The following DMRT2 variants were observed in gnomAD, a reference collection of about 807,000 sequenced individuals.
DMRT2 encodes doublesex and mab-3 related transcription factor 2.
A neutral mutation model predicts 43.5 loss-of-function variants in DMRT2; 33 were observed. That is an observed-to-expected ratio of 0.76 (90% CI 0.58 to 1.01). The LOEUF (loss-of-function observed/expected upper bound fraction) is 1.01. DMRT2 is among the 50% of genes least tolerant of loss of function. The probability of loss-of-function intolerance (pLI) is 0.00; values close to 1 mark genes in which losing one functional copy is unlikely to be tolerated. For synonymous variants in DMRT2, 395 were observed against 309.2 expected (o/e 1.28, Z -2.91); for missense variants, 1,064 against 748.0 (o/e 1.42, Z -4.93).
Position 1,057,449 on chromosome 9 carries a change from A to G in DMRT2, c.*176A>G. On this transcript the variant is annotated 3_prime_UTR_variant, in exon 4 of 4. Transcript: ENST00000358146. ...GTACTTTTTCTTATCACATATATTTAAACTTACAGATGGAAATTGCCCAAT... is the reference window on the plus strand; with the variant it reads ...GTACTTTTTCTTATCACATATATTTGAACTTACAGATGGAAATTGCCCAAT... The G allele has an allele frequency of 4.4e-6, 3 of 675,698 alleles. 1 individual carries two copies. In the South Asian group the frequency reaches 7.2e-5, roughly 16 times the overall value. 41.9% of individuals were successfully genotyped at this position (675,698 alleles called of 1,614,324 possible).
At chr9:1,052,244 C>A in intron 2 of DMRT2, 106 bp downstream of exon 2, 1 of 846,676 alleles carries the variant, frequency 1.2e-6, no homozygotes, top group Non-Finnish European at 1.6e-6. Flanking sequence ...CCTTGCGGTG[C>A]CTGGCACTCC....
chr9:1,057,351 A>T lies in DMRT2; in HGVS notation c.*78A>T. 6.9e-7 allele frequency: 1 copy of T among 1,458,866 alleles called. No homozygotes were observed. The highest frequency in any genetic ancestry group is 1.4e-5 in the African/African-American group (1 of 70,662). 90.4% of individuals were successfully genotyped at this position (1,458,866 alleles called of 1,614,324 possible). On this transcript the variant is annotated 3_prime_UTR_variant, in exon 4 of 4. Transcript: ENST00000358146. ...CATTTGCTACTTTTTTTAAAAGTTA[A>T]GATGTTTGTGTAAAGAAATTTCTAA...
In DMRT2 at chr9:1,051,558, G is replaced by T. The variant is rs919201832; in HGVS notation, c.-44-12G>T. The T allele has an allele frequency of 6.9e-6, 10 of 1,451,774 alleles. No homozygotes were observed. The African/African-American group carries it at 1.5e-4, about 22-fold the overall frequency. 89.9% of individuals were successfully genotyped at this position (1,451,774 alleles called of 1,614,324 possible). On this transcript the variant is annotated splice_polypyrimidine_tract_variant and intron_variant, in intron 1 of 3. Coordinates refer to ENST00000358146, the MANE Select transcript of DMRT2 (RefSeq NM_181872.6). The surrounding 1 kb of genome is among the most constrained non-coding windows in gnomAD (Gnocchi z 5.9). ...GGCCGGTGGGTCTTTGGATTTCTTT[G>T]TGTTTCCCCAGAGTGAGGGCCGCCA...
At position 1,051,148 on chromosome 9, in the gene DMRT2, G is replaced by C. The variant is rs542397910; in HGVS notation, c.-45+373G>C. ...GTCTGAAGGGCCACTTGTAATCAAA[G>C]GAAAACTGTTCTTCCACGGATAGTT... On this transcript the variant is annotated intron_variant, in intron 1 of 3. Coordinates refer to ENST00000358146, the MANE Select transcript of DMRT2 (RefSeq NM_181872.6). This position sits in a 1 kb window ranked among gnomAD's most constrained non-coding sequence, Gnocchi z 5.9. 3.9e-4 allele frequency among the ~76,000 whole-genome samples: 59 copies of C among 152,230 alleles called. No homozygotes were observed. The highest frequency in any genetic ancestry group is 1.9e-3 in the South Asian group (9 of 4,818).
In DMRT2 at chr9:1,051,475, C is replaced by T; in HGVS notation, c.-44-95C>T. On this transcript the variant is annotated intron_variant, in intron 1 of 3. Coordinates refer to ENST00000358146, the MANE Select transcript of DMRT2 (RefSeq NM_181872.6). The surrounding 1 kb of genome is among the most constrained non-coding windows in gnomAD (Gnocchi z 5.9). ...AATGAGAACAGGATGACTCAAGCGG[C>T]CGGAGGCGGGCAGACCAGGAGCTTT... is the stretch of plus-strand genomic sequence containing the variant. 7.3e-7 allele frequency: 1 copy of T among 1,372,514 alleles called. No homozygotes were observed. The highest frequency in any genetic ancestry group is 9.4e-7 in the Non-Finnish European group (1 of 1,062,706). The allele number at this position is 1,372,514 out of a possible 1,614,324, so 85.0% of individuals were successfully genotyped here.
rs1822018964 is a variant in DMRT2, at chr9:1,056,710, A to G, written c.1123A>G (p.Ser375Gly). Residue 375 changes from serine to glycine, a missense_variant, in exon 4 of 4, where the codon AGC becomes GGC. Coordinates refer to ENST00000358146, the MANE Select transcript of DMRT2 (RefSeq NM_181872.6). ...TSVQALKPGA[S>G]WDLKGARVQD... ...AGTTCAAGCCCTGAAGCCTGGGGCC[A>G]GCTGGGACTTGAAGGGAGCACGAGT... The G allele has an allele frequency of 6.2e-7, 1 of 1,614,152 alleles. No homozygotes were observed. The highest frequency in any genetic ancestry group is 1.3e-5 in the African/African-American group (1 of 75,052).
Position 1,057,232 on chromosome 9 carries a change from C to A in DMRT2, c.1645C>A (p.Leu549Ile). 6.2e-7 allele frequency: 1 copy of A among 1,613,054 alleles called. No homozygotes were observed. The change falls in exon 4 of 4, where the codon CTT becomes ATT. Residue 549 changes from leucine to isoleucine, a missense_variant. Leu to Ile is a conservative substitution (Grantham distance 5). Transcript: ENST00000358146. ...EPLSFSVESILKRPSSAITRV... is the reference protein window; with the variant it reads ...EPLSFSVESIIKRPSSAITRV... ...ACTGTCATTTTCTGTTGAGTCTATT[C>A]TTAAGAGGCCTTCATCTGCCATCAC...
At position 1,052,135 on chromosome 9, in the gene DMRT2, C is replaced by G; in HGVS notation, c.522C>G (p.Thr174=). Residue 174 remains threonine, a synonymous_variant, in exon 2 of 4, where the codon ACC becomes ACG. Coordinates refer to ENST00000358146, the MANE Select transcript of DMRT2 (RefSeq NM_181872.6). ...TGGCGCTCCGGAGGCAGCAGGCCAC[C>G]GAGGTGCGTACCCGCCCGGCCCGGG... ...AQVALRRQQA[T]EDKKGLSGKQ... is the part of the protein sequence containing the mutation. 2.1e-6 allele frequency: 3 copies of G among 1,396,002 alleles called. No homozygotes were observed. The highest frequency in any genetic ancestry group is 1.9e-6 in the Non-Finnish European group (2 of 1,080,946). 86.5% of individuals were successfully genotyped at this position (1,396,002 alleles called of 1,614,324 possible).
Position 1,056,467 on chromosome 9 carries a change from C to T in DMRT2, c.880C>T (p.Pro294Ser), listed in dbSNP as rs1430188675. Residue 294 changes from proline to serine, a missense_variant, in exon 4 of 4, where the codon CCA becomes TCA. Physicochemically the swap from Pro to Ser is moderately conservative, Grantham distance 74. Transcript: ENST00000358146. ...TGCCTACAGCCCCAGCCCAGTGGAA[C>T]CACCAAGCAAGGACTTCTGTAATTT... ...KSAYSPSPVE[P>S]PSKDFCNFLP... 1 of 1,614,200 alleles carries T rather than the reference C, an allele frequency of 6.2e-7. No homozygotes were observed. Among genetic ancestry groups the T allele is most frequent in the Non-Finnish European group, 8.5e-7 (1 of 1,180,036 alleles).
intron 1 of DMRT2, among the ~76,000 whole-genome samples, chr9:1,050,984 A>C (rs536816615): frequency 9.2e-5 from 14 of 152,266 alleles, no homozygotes; most frequent in African/African-American, 2.6e-4. Flanking sequence ...ATGGGACGCT[A>C]ATGACAACAA....
intron 3 of DMRT2, among the ~76,000 whole-genome samples, chr9:1,055,154 A>G (rs1463461890): frequency 6.6e-6 from 1 of 152,218 alleles, no homozygotes; most frequent in Non-Finnish European, 1.5e-5. Flanking sequence ...CAACTAAATA[A>G]CTTCCTGGCA....
rs139766473 is a variant in DMRT2 at position 1,057,137 on chromosome 9, C to T, written c.1550C>T (p.Thr517Ile). The T allele has an allele frequency of 1.2e-6, 2 of 1,614,020 alleles. No homozygotes were observed. Among genetic ancestry groups the T allele is most frequent in the Non-Finnish European group, 1.7e-6 (2 of 1,180,036 alleles). Residue 517 changes from threonine (T) to isoleucine (I), a missense_variant, in exon 4 of 4, where the codon ACA (threonine) becomes ATA (isoleucine). Thr to Ile is a moderately conservative substitution (Grantham distance 89). Coordinates refer to ENST00000358146, the MANE Select transcript of DMRT2 (RefSeq NM_181872.6). ...LVKDNQKYTF[T>I]IDRCAKDLFV... is the part of the protein sequence containing the mutation. Reference sequence around the variant, plus strand: ...AAGGACAACCAGAAGTACACATTTACAATAGATAGATGTGCAAAAGACCTT... The same window carrying T: ...AAGGACAACCAGAAGTACACATTTATAATAGATAGATGTGCAAAAGACCTT...
chr9:1,054,826 T>G (rs150669984), intron 3 of DMRT2, among the ~76,000 whole-genome samples: 1,811 of 152,314 alleles, frequency 0.012, 36 homozygotes, highest in African/African-American at 0.041. Flanking sequence ...TGGATTCTGT[T>G]TTTTTCTTGT....
In DMRT2 at chr9:1,056,475, C is replaced by G. The variant is rs1488969301; in HGVS notation, c.888C>G (p.Ser296Arg). Residue 296 changes from serine to arginine, a missense_variant, in exon 4 of 4, where the codon AGC (serine) becomes AGG (arginine). Coordinates refer to ENST00000358146, the MANE Select transcript of DMRT2 (RefSeq NM_181872.6). The stretch of plus-strand genomic sequence containing the variant: ...GCCCCAGCCCAGTGGAACCACCAAG[C>G]AAGGACTTCTGTAATTTTTTGCCCA... ...AYSPSPVEPP[S>R]KDFCNFLPTC... 2 of 1,614,212 alleles carry G rather than the reference C, an allele frequency of 1.2e-6. No homozygotes were observed. The highest frequency in any genetic ancestry group is 1.3e-5 in the African/African-American group (1 of 75,068).
In DMRT2 at chr9:1,052,218, C is replaced by T. The variant is rs886208578; in HGVS notation, c.525+80C>T. 2.0e-5 allele frequency: 23 copies of T among 1,172,080 alleles called. No individual in the cohort carries two copies. The African/African-American group carries it at 3.2e-4, about 16-fold the overall frequency. 72.6% of individuals were successfully genotyped at this position (1,172,080 alleles called of 1,614,324 possible). A position where few individuals can be genotyped will look rare whatever the true frequency, so the allele number is the denominator to read the frequency against. ...GAGGGGAGCGGGGCGGCCGTCCACACCCCCCGCGCCCAGGGCCTTGCGGTG... is the reference window on the plus strand; with the variant it reads ...GAGGGGAGCGGGGCGGCCGTCCACATCCCCCGCGCCCAGGGCCTTGCGGTG... On this transcript the variant is annotated intron_variant, in intron 2 of 3. Coordinates refer to ENST00000358146, the MANE Select transcript of DMRT2 (RefSeq NM_181872.6).
At position 1,052,120 on chromosome 9, in the gene DMRT2, G is replaced by A. The variant is rs566963920; in HGVS notation, c.507G>A (p.Arg169=). The A allele has an allele frequency of 7.1e-7, 1 of 1,415,310 alleles. No individual in the cohort carries two copies. Among genetic ancestry groups the A allele is most frequent in the Non-Finnish European group, 9.2e-7 (1 of 1,090,568 alleles). 87.7% of individuals were successfully genotyped at this position (1,415,310 alleles called of 1,614,324 possible). A position where few individuals can be genotyped will look rare whatever the true frequency, so the allele number is the denominator to read the frequency against. ...QRVMAAQVAL[R]RQQATEDKKG... is the part of the protein sequence containing the mutation. The stretch of plus-strand genomic sequence containing the variant: ...TCATGGCCGCCCAGGTGGCGCTCCG[G>A]AGGCAGCAGGCCACCGAGGTGCGTA... The change falls in exon 2 of 4, where the codon CGG becomes CGA. Residue 169 remains arginine, a synonymous_variant. Coordinates refer to ENST00000358146, the MANE Select transcript of DMRT2 (RefSeq NM_181872.6).
chr9:1,051,848 G>C lies in DMRT2; in HGVS notation c.235G>C (p.Glu79Gln). ...GASPGMPGQPEQRGGPQPRPP... is the reference protein window; with the variant it reads ...GASPGMPGQPQQRGGPQPRPP... ...GTCCCCCGGGATGCCCGGCCAGCCG[G>C]AGCAGCGGGGGGGACCGCAGCCGAG... Residue 79 changes from glutamate (E) to glutamine (Q), a missense_variant, in exon 2 of 4, where the codon GAG becomes CAG. Glu to Gln is a conservative substitution (Grantham distance 29). Transcript: ENST00000358146. The surrounding 1 kb of genome is among the most constrained non-coding windows in gnomAD (Gnocchi z 5.9). 7.0e-7 allele frequency: 1 copy of C among 1,421,412 alleles called. No homozygotes were observed. The highest frequency in any genetic ancestry group is 3.0e-5 in the East Asian group (1 of 33,614). 88.0% of individuals were successfully genotyped at this position (1,421,412 alleles called of 1,614,324 possible).
In DMRT2 at chr9:1,057,465, A is replaced by G. The variant is rs1822086456; in HGVS notation, c.*192A>G. 1 of 623,470 alleles carries G rather than the reference A, an allele frequency of 1.6e-6. No homozygotes were observed. The highest frequency in any genetic ancestry group is 1.8e-5 in the African/African-American group (1 of 54,542). The allele number at this position is 623,470 out of a possible 1,614,324, so 38.6% of individuals were successfully genotyped here. A position where few individuals can be genotyped will look rare whatever the true frequency, so the allele number is the denominator to read the frequency against. On this transcript the variant is annotated 3_prime_UTR_variant, in exon 4 of 4. Transcript: ENST00000358146. ...CATATATTTAAACTTACAGATGGAA[A>G]TTGCCCAATGTGCAAATTGTTAAGT... is the stretch of plus-strand genomic sequence containing the variant.
At position 1,057,461 on chromosome 9, in the gene DMRT2, G is replaced by A; in HGVS notation, c.*188G>A. On this transcript the variant is annotated 3_prime_UTR_variant, in exon 4 of 4. Coordinates refer to ENST00000358146, the MANE Select transcript of DMRT2 (RefSeq NM_181872.6). The stretch of plus-strand genomic sequence containing the variant: ...ATCACATATATTTAAACTTACAGAT[G>A]GAAATTGCCCAATGTGCAAATTGTT... 13 of 619,394 alleles carry A rather than the reference G, an allele frequency of 2.1e-5. No individual in the cohort carries two copies. Among genetic ancestry groups the A allele is most frequent in the Middle Eastern group, 4.5e-4 (1 of 2,216 alleles). The allele number at this position is 619,394 out of a possible 1,614,324, so 38.4% of individuals were successfully genotyped here. A position where few individuals can be genotyped will look rare whatever the true frequency, so the allele number is the denominator to read the frequency against.
Sources: gnomAD v4.1 joint callset for allele counts (sites outside exome capture counted in the v4.1 genomes callset) on GRCh38, gnomAD v4.1.1 for gene constraint, Gnocchi (gnomAD v3.1) non-coding constraint, MANE v1.5 for transcripts, NCBI Gene and HGNC (gene_info 2026-07-23, HGNC 2026-07-21) for gene names.